Variants in RAD51B observed in about 807,000 individuals in gnomAD.
RAD51B encodes the protein DNA repair protein RAD51 homolog 2.
A neutral mutation model predicts 42.2 loss-of-function variants in RAD51B; 38 were observed. The observed-to-expected ratio is 0.90, with a 90% CI of 0.70 to 1.18. The LOEUF is 1.18. Among genes scored for constraint, RAD51B ranks in the 50% most tolerant of loss-of-function variants. The pLI, the probability that RAD51B is intolerant of heterozygous loss-of-function variation, is 0.00. For synonymous variants in RAD51B, 154 were observed against 145.2 expected, an observed-to-expected ratio of 1.06 and a Z score of -0.43; for missense variants, 373 against 400.7, an observed-to-expected ratio of 0.93 and a Z score of 0.59.
Position 67,958,129 on chromosome 14 carries a change from CTG to C in RAD51B, c.756+70929_756+70930del, listed in dbSNP as rs367593239. ...GTGTTGGGAATGTCTGTTTATATGT[CTG>C]TGTCACATCATCTGCTCTAGCATGG... On this transcript the variant is annotated intron_variant, in intron 7 of 10. Coordinates refer to ENST00000471583, the MANE Select transcript of RAD51B (RefSeq NM_133510.4). Among the ~76,000 whole-genome samples, 44 of 152,302 alleles carry C rather than the reference CTG, an allele frequency of 2.9e-4. No individual in the cohort carries two copies. In the East Asian group the frequency reaches 6.9e-3, roughly 24 times the overall value.
intron 9 of RAD51B, among the ~76,000 whole-genome samples, chr14:68,442,670 A>T (rs1353163044): frequency 5.3e-5 from 8 of 151,168 alleles, no homozygotes; most frequent in Non-Finnish European, 1.5e-5. Context: ...CAATCTCTTG[A>T]GCTTGTGATC....
At chr14:68,590,914 G>T (rs144396491) in intron 10 of RAD51B, among the ~76,000 whole-genome samples, 152 of 152,232 alleles carry the variant, frequency 1.0e-3, no homozygotes, top group African/African-American at 3.4e-3. Context: ...GGCCTTTATA[G>T]ATGGCCCCAT....
rs1892191152 is a variant in RAD51B, at chr14:68,630,127, G to A, written c.1037-20654G>A. On this transcript the variant is annotated intron_variant, in intron 10 of 11. Coordinates refer to the RAD51B transcript ENST00000488612. ...GTATTCAGGTAGCTTTGAGGAGAGG[G>A]AGTCTCTTCTCAGTACAGCCCCTAG... Among the ~76,000 whole-genome samples the A allele has an allele frequency of 2.6e-5, 4 of 152,122 alleles. No individual in the cohort carries two copies. In the South Asian group the frequency reaches 8.3e-4, roughly 32 times the overall value.
chr14:68,469,955 G>A (rs73278369), intron 10 of RAD51B, among the ~76,000 whole-genome samples: 2,230 of 152,306 alleles, frequency 0.015, 59 homozygotes, highest in African/African-American at 0.051. Flanking sequence ...GAGTCACTGA[G>A]TTGCCTCTCT....
chr14:68,121,661 T>C (rs1000068530), intron 7 of RAD51B, among the ~76,000 whole-genome samples: 10 of 151,822 alleles, frequency 6.6e-5, no homozygotes, highest in African/African-American at 2.4e-4. Flanking sequence ...GAAAAAGAAA[T>C]TAGAAATAAA....
At chr14:68,155,443 C>T (rs887072088) in intron 7 of RAD51B, among the ~76,000 whole-genome samples, 31 of 152,082 alleles carry the variant, frequency 2.0e-4, no homozygotes, top group African/African-American at 7.5e-4. Context: ...CCACCCGCCT[C>T]GGCCTCCCAA....
chr14:68,402,942 C>T (rs1261231062), intron 8 of RAD51B, among the ~76,000 whole-genome samples: 3 of 152,210 alleles, frequency 2.0e-5, no homozygotes, highest in Non-Finnish European at 2.9e-5. Context: ...CTTCTCCCAC[C>T]TGGTCTCATC....
chr14:68,352,849 AGAATTG>A (rs1398233619), intron 8 of RAD51B, among the ~76,000 whole-genome samples: 2 of 152,256 alleles, frequency 1.3e-5, no homozygotes, highest in East Asian at 3.9e-4. Context: ...GAGGACCCCA[AGAATTG>A]GCCTGCCTGT....
intron 7 of RAD51B, among the ~76,000 whole-genome samples, chr14:68,278,148 G>T (rs1264180730): frequency 6.6e-6 from 1 of 152,158 alleles, no homozygotes; most frequent in Non-Finnish European, 1.5e-5. Flanking sequence ...AATACTAGTT[G>T]CCCTAGAGAA....
rs35681082 is a variant in RAD51B at position 68,466,655 on chromosome 14, G to C, written c.958-1517G>C. ...TGCCTTGGGAAGAGCGAAAGAGAAA[G>C]TGGAGGGCACGCAGTTTTCTTATGA... On this transcript the variant is annotated intron_variant, in intron 9 of 10. Transcript: ENST00000471583. Among the ~76,000 whole-genome samples the C allele has an allele frequency of 4.9e-3, 741 of 152,368 alleles. 5 individuals carry two copies. The highest frequency in any genetic ancestry group is 0.016 in the African/African-American group (661 of 41,582).
At chr14:68,462,041 GA>G (rs1163423181) in intron 9 of RAD51B, among the ~76,000 whole-genome samples, 1 of 152,216 alleles carries the variant, frequency 6.6e-6, no homozygotes, top group African/African-American at 2.4e-5. Context: ...GAAGGGAACA[GA>G]GTGAGATTAC....
At chr14:68,114,528 A>G (rs949356696) in intron 7 of RAD51B, among the ~76,000 whole-genome samples, 1 of 152,104 alleles carries the variant, frequency 6.6e-6, no homozygotes, top group African/African-American at 2.4e-5. Context: ...ATATTTTATA[A>G]TATATAAAAC....
At chr14:68,257,550 G>T (rs1461499984) in intron 7 of RAD51B, among the ~76,000 whole-genome samples, 1 of 151,884 alleles carries the variant, frequency 6.6e-6, no homozygotes, top group Non-Finnish European at 1.5e-5. Context: ...ATATTAATAA[G>T]AATTTTTACA....
At chr14:68,551,264 A>G (rs979854717) in intron 10 of RAD51B, among the ~76,000 whole-genome samples, 2 of 151,776 alleles carry the variant, frequency 1.3e-5, no homozygotes, top group African/African-American at 4.8e-5. Flanking sequence ...CCCTGTCCAC[A>G]CATTAAATAT....
intron 7 of RAD51B, among the ~76,000 whole-genome samples, chr14:67,895,588 A>C (rs552345923): frequency 6.6e-6 from 1 of 152,342 alleles, no homozygotes; most frequent in African/African-American, 2.4e-5. Context: ...CCACTAGACT[A>C]TAAGCAGTAT....
intron 5 of RAD51B, among the ~76,000 whole-genome samples, chr14:67,879,174 G>A (rs1229850354): frequency 6.6e-6 from 1 of 152,218 alleles, no homozygotes; most frequent in Non-Finnish European, 1.5e-5. Context: ...AGAACTCTCA[G>A]GCAAGGGCCT....
At chr14:68,290,325 A>G (rs992847197) in intron 7 of RAD51B, among the ~76,000 whole-genome samples, 1 of 152,244 alleles carries the variant, frequency 6.6e-6, no homozygotes, top group South Asian at 2.1e-4. Flanking sequence ...GTTTCTTCCC[A>G]CGATGAGAAC....
chr14:68,187,524 T>G (rs1244846395), intron 7 of RAD51B, among the ~76,000 whole-genome samples: 1 of 152,190 alleles, frequency 6.6e-6, no homozygotes, highest in Non-Finnish European at 1.5e-5. Flanking sequence ...CATCAAGAGA[T>G]CTCATTTAAA....
rs1179710862 is a variant in RAD51B, at chr14:67,819,786, T to C, written c.-70T>C. Reference sequence around the variant, plus strand: ...TCAATCAGTGCTTCGGTTGTTGCTTTGCGGCGTTTTCCGCGGGGAAACTGT... The same window carrying C: ...TCAATCAGTGCTTCGGTTGTTGCTTCGCGGCGTTTTCCGCGGGGAAACTGT... On this transcript the variant is annotated 5_prime_UTR_variant, in exon 1 of 11. Transcript: ENST00000471583. 2 of 152,208 alleles carry C rather than the reference T, an allele frequency of 1.3e-5. No homozygotes were observed. Among genetic ancestry groups the C allele is most frequent in the African/African-American group, 4.8e-5 (2 of 41,438 alleles). The allele number at this position is 152,208 out of a possible 1,614,324, so 9.4% of individuals were successfully genotyped here.
Sources: gnomAD v4.1 joint callset for allele counts (sites outside exome capture counted in the v4.1 genomes callset) on GRCh38, gnomAD v4.1.1 for gene constraint, MANE v1.5 for transcripts, NCBI Gene and HGNC (gene_info 2026-07-23, HGNC 2026-07-21) for gene names.